DLG2: variants seen among roughly 807,000 people sequenced by gnomAD.
The protein encoded by DLG2 is discs large MAGUK scaffold protein 2, also known as disks large homolog 2.
A neutral mutation model predicts 132.5 loss-of-function variants in DLG2; 45 were observed. That is an observed-to-expected ratio of 0.34 (90% confidence interval 0.27 to 0.44). DLG2 has a LOEUF of 0.44. Ranked by LOEUF, DLG2 falls within the 20% of genes least tolerant of loss-of-function variation. DLG2 has a pLI of 1.00. For synonymous variants in DLG2, 424 were observed against 419.6 expected, an observed-to-expected ratio of 1.01 and a Z score of -0.13; for missense variants, 1,045 against 1,196.9, an observed-to-expected ratio of 0.87 and a Z score of 1.87.
intron 6 of DLG2, among the ~76,000 whole-genome samples, chr11:84,748,274 G>T (rs1047787987): frequency 2.0e-5 from 3 of 152,154 alleles, no homozygotes; most frequent in African/African-American, 7.2e-5. Flanking sequence ...TCTTCACTGA[G>T]ACCTTCTGAA....
intron 6 of DLG2, among the ~76,000 whole-genome samples, chr11:84,935,257 C>T (rs2048607028): frequency 1.3e-5 from 2 of 152,256 alleles, no homozygotes; most frequent in African/African-American, 4.8e-5. Context: ...TAAATATATT[C>T]TTGACCCCTC....
intron 8 of DLG2, among the ~76,000 whole-genome samples, chr11:84,240,154 A>G (rs1473680985): frequency 6.6e-6 from 1 of 152,188 alleles, no homozygotes; most frequent in African/African-American, 2.4e-5. Flanking sequence ...TTAACCTGCT[A>G]TTTAGCACGT....
chr11:84,781,671 C>G (rs1432968185), intron 6 of DLG2, among the ~76,000 whole-genome samples: 1 of 152,084 alleles, frequency 6.6e-6, no homozygotes, highest in Non-Finnish European at 1.5e-5. Context: ...GACTGAGACC[C>G]TCTGACAACC....
intron 6 of DLG2, among the ~76,000 whole-genome samples, chr11:84,930,159 C>A (rs2047924623): frequency 6.6e-6 from 1 of 152,086 alleles, no homozygotes; most frequent in South Asian, 2.1e-4. Flanking sequence ...CAGAGGCTAT[C>A]TTTTTATGAG....
chr11:84,028,053 A>T (rs1295593741), intron 11 of DLG2, among the ~76,000 whole-genome samples: 1 of 121,704 alleles, frequency 8.2e-6, no homozygotes, highest in Non-Finnish European at 1.7e-5. Flanking sequence ...TGTCCAGATT[A>T]AAAAAAAAAA....
chr11:84,785,884 A>T (rs1427323463), intron 6 of DLG2, among the ~76,000 whole-genome samples: 1 of 152,038 alleles, frequency 6.6e-6, no homozygotes, highest in African/African-American at 2.4e-5. Flanking sequence ...TTGCTTTCTG[A>T]CATAACAAAA....
chr11:84,867,810 C>A (rs954054071), intron 6 of DLG2, among the ~76,000 whole-genome samples: 1 of 152,110 alleles, frequency 6.6e-6, no homozygotes, highest in East Asian at 1.9e-4. Flanking sequence ...CGTGGTGGCT[C>A]ACGCCTGTAA....
chr11:84,425,067 C>A (rs924291388), intron 7 of DLG2, among the ~76,000 whole-genome samples: 8 of 152,074 alleles, frequency 5.3e-5, no homozygotes, highest in African/African-American at 1.9e-4. Context: ...GGGACCATAG[C>A]TGGATCATTT....
At chr11:84,560,277 T>C (rs1397982997) in intron 6 of DLG2, among the ~76,000 whole-genome samples, 1 of 152,094 alleles carries the variant, frequency 6.6e-6, no homozygotes, top group Non-Finnish European at 1.5e-5. Flanking sequence ...TATTATTGAA[T>C]ACCTACAGTG....
chr11:83,986,913 C>G (rs1246941997), intron 11 of DLG2, among the ~76,000 whole-genome samples: 1 of 151,844 alleles, frequency 6.6e-6, no homozygotes, highest in Non-Finnish European at 1.5e-5. Context: ...GGTTGTTTGT[C>G]TTTTTCTTGT....
chr11:84,458,503 T>C (rs2099071458), intron 7 of DLG2, among the ~76,000 whole-genome samples: 1 of 151,026 alleles, frequency 6.6e-6, no homozygotes, highest in South Asian at 2.1e-4. Flanking sequence ...ATTTATATTA[T>C]CTTAAATGCT....
At chr11:84,174,154 A>ATT (rs35818518) in intron 8 of DLG2, among the ~76,000 whole-genome samples, 1,731 of 145,004 alleles carry the variant, frequency 0.012, 19 homozygotes, top group Non-Finnish European at 0.02. Flanking sequence ...TGTTAAGGAG[A>ATT]TTTTTTTTTT....
At chr11:84,836,984 A>G (rs1489956548) in intron 6 of DLG2, among the ~76,000 whole-genome samples, 2 of 151,694 alleles carry the variant, frequency 1.3e-5, no homozygotes, top group East Asian at 2.0e-4. Context: ...AACATTAGGT[A>G]TATCTCCTAA....
chr11:84,936,395 A>G (rs1462571273), intron 6 of DLG2, among the ~76,000 whole-genome samples: 1 of 152,178 alleles, frequency 6.6e-6, no homozygotes, highest in Non-Finnish European at 1.5e-5. Context: ...CCTTAAACAC[A>G]TATTTTTACT....
At chr11:84,403,833 T>C (rs2098839175) in intron 7 of DLG2, among the ~76,000 whole-genome samples, 1 of 152,228 alleles carries the variant, frequency 6.6e-6, no homozygotes, top group Non-Finnish European at 1.5e-5. Context: ...ATTGGTCTTC[T>C]GTTGAAAATA....
chr11:85,093,168 G>C (rs1337988351), intron 6 of DLG2, among the ~76,000 whole-genome samples: 2 of 152,126 alleles, frequency 1.3e-5, no homozygotes, highest in African/African-American at 4.8e-5. Context: ...ATATCAGCAA[G>C]TGTTATTGAT....
intron 6 of DLG2, among the ~76,000 whole-genome samples, chr11:84,930,545 C>T (rs2154090902): frequency 6.6e-6 from 1 of 152,220 alleles, no homozygotes; most frequent in African/African-American, 2.4e-5. Flanking sequence ...AAACCTCACA[C>T]CTTCCTCCAT....
chr11:84,886,318 G>C (rs1234275108), intron 6 of DLG2, among the ~76,000 whole-genome samples: 1 of 151,974 alleles, frequency 6.6e-6, no homozygotes, highest in East Asian at 1.9e-4. Flanking sequence ...TATGCTTATT[G>C]ATTATCATAT....
chr11:83,688,516 C>CTTTG (rs1180187125), intron 18 of DLG2, among the ~76,000 whole-genome samples: 2 of 152,094 alleles, frequency 1.3e-5, no homozygotes, highest in African/African-American at 4.8e-5. Context: ...GCAAGATGGA[C>CTTTG]CAGCCTGGAG....
Sources: gnomAD v4.1 joint callset for allele counts (sites outside exome capture counted in the v4.1 genomes callset) on GRCh38, gnomAD v4.1.1 for gene constraint, MANE v1.5 for transcripts, NCBI Gene and HGNC (gene_info 2026-07-23, HGNC 2026-07-21) for gene names.